Variants in B3GLCT observed in about 807,000 individuals in gnomAD.
B3GLCT encodes beta-1,3-glucosyltransferase.
A neutral mutation model predicts 63.4 loss-of-function variants in B3GLCT; 65 were observed. The observed-to-expected ratio is 1.03, with a 90% confidence interval of 0.84 to 1.26. The LOEUF (loss-of-function observed/expected upper bound fraction) is 1.26. Ranked by LOEUF, B3GLCT falls within the 50% of genes most tolerant of loss-of-function variation. The pLI is 0.00. For missense variants in B3GLCT, 577 were observed against 604.8 expected (o/e 0.95, Z 0.48); for synonymous variants, 233 against 219.2 (o/e 1.06, Z -0.55).
intron 4 of B3GLCT, among the ~76,000 whole-genome samples, chr13:31,244,458 C>T (rs1871101980): frequency 6.6e-6 from 1 of 152,178 alleles, no homozygotes; most frequent in Admixed American, 6.5e-5. Flanking sequence ...CGCCATTGCA[C>T]TACAGCCTGG....
intron 11 of B3GLCT, among the ~76,000 whole-genome samples, 168 bp downstream of exon 11, chr13:31,284,929 T>C (rs1054296671): frequency 6.6e-6 from 1 of 152,220 alleles, no homozygotes; most frequent in African/African-American, 2.4e-5. Flanking sequence ...CTAAGGGCTT[T>C]ATAGTACGAA....
chr13:31,217,645 A>G (rs190545353), intron 2 of B3GLCT, among the ~76,000 whole-genome samples: 109 of 152,288 alleles, frequency 7.2e-4, no homozygotes, highest in African/African-American at 1.9e-3. Context: ...TCCAGTGTCA[A>G]TCTTCTGTAT....
chr13:31,319,668 G>A (rs1451537200), intron 13 of B3GLCT, among the ~76,000 whole-genome samples: 1 of 151,874 alleles, frequency 6.6e-6, no homozygotes, highest in East Asian at 1.9e-4. Context: ...ACCCTGTATT[G>A]TCCCTGGGTG....
At chr13:31,267,851 CT>C (rs745334847) in intron 7 of B3GLCT, among the ~76,000 whole-genome samples, 2,841 of 143,506 alleles carry the variant, frequency 0.02, 28 homozygotes, top group Non-Finnish European at 0.024. Context: ...TTGTTTCTTT[CT>C]TTTTTTTTTT....
chr13:31,256,231 G>GGT (rs1374471279), intron 6 of B3GLCT, among the ~76,000 whole-genome samples: 2 of 152,138 alleles, frequency 1.3e-5, no homozygotes, highest in African/African-American at 4.8e-5. Context: ...ATTACAATGA[G>GGT]GTACCATCTC....
chr13:31,247,094 AC>A lies in B3GLCT; in HGVS notation c.344del (p.Pro115ArgfsTer5). ...EGAWTILPLL[P>X]HFSVTYSRNS... ...GTGCATGGACCATACTTCCGTTGTT[AC>A]CGCAGTACGTTTGTTTAACTCACCT... On this transcript the variant is annotated frameshift_variant, in exon 5 of 15. Coordinates refer to ENST00000343307, the MANE Select transcript of B3GLCT (RefSeq NM_194318.4). LOFTEE classifies it high-confidence loss of function. 1 of 1,612,226 alleles carries A rather than the reference AC, an allele frequency of 6.2e-7. No homozygotes were observed. The highest frequency in any genetic ancestry group is 8.5e-7 in the Non-Finnish European group (1 of 1,178,740).
At chr13:31,285,604 TAAAAA>T (rs11339832) in intron 11 of B3GLCT, among the ~76,000 whole-genome samples, 20,194 of 84,358 alleles carry the variant, frequency 0.24, 1,890 homozygotes, top group South Asian at 0.29. Context: ...CTTTTATGAG[TAAAAA>T]AAAAAAAAAA....
chr13:31,280,309 T>C (rs1443841914), intron 10 of B3GLCT, among the ~76,000 whole-genome samples: 1 of 152,240 alleles, frequency 6.6e-6, no homozygotes, highest in Non-Finnish European at 1.5e-5. Flanking sequence ...TAAATGTCCA[T>C]GAAATCTTTA....
rs368125083 is a variant in B3GLCT at position 31,319,314 on chromosome 13, TC to T, written c.1184+1631del. 9.3e-3 allele frequency among the ~76,000 whole-genome samples: 1,412 copies of T among 152,152 alleles called. 12 individuals are homozygous for T. The highest frequency in any genetic ancestry group is 0.013 in the Non-Finnish European group (852 of 67,990). On this transcript the variant is annotated intron_variant, in intron 13 of 14. Transcript: ENST00000343307. The stretch of plus-strand genomic sequence containing the variant: ...TCTCACCACCACCATGCCTTCTCCT[TC>T]CTACCCTGCGGAACATCTTGAGTTC...
rs115610128 is a variant in B3GLCT at position 31,208,289 on chromosome 13, T to G, written c.71-6762T>G. On this transcript the variant is annotated intron_variant, in intron 1 of 14. Coordinates refer to ENST00000343307, the MANE Select transcript of B3GLCT (RefSeq NM_194318.4). ...CTGCTTCTCCTCCCCATCTGGCCAT[T>G]CCTTTTGTCTCCTTTGCAGTTTTGT... Among the ~76,000 whole-genome samples the G allele has an allele frequency of 2.2e-3, 342 of 152,176 alleles. 1 individual carries two copies. The highest frequency in any genetic ancestry group is 8.0e-3 in the African/African-American group (331 of 41,520).
intron 1 of B3GLCT, among the ~76,000 whole-genome samples, chr13:31,210,370 TTTC>T (rs1206413260): frequency 6.6e-6 from 1 of 152,220 alleles, no homozygotes; most frequent in Admixed American, 6.5e-5. Flanking sequence ...TCAACAATAT[TTTC>T]CCTACTGAAT....
At chr13:31,223,747 A>G (rs1869946851) in intron 3 of B3GLCT, among the ~76,000 whole-genome samples, 1 of 151,924 alleles carries the variant, frequency 6.6e-6, no homozygotes, top group South Asian at 2.1e-4. Context: ...AGGAGGAATG[A>G]CCCAAGTCTG....
intron 9 of B3GLCT, among the ~76,000 whole-genome samples, 174 bp downstream of exon 9, chr13:31,274,802 C>T (rs1466344469): frequency 6.6e-6 from 1 of 152,174 alleles, no homozygotes; most frequent in East Asian, 1.9e-4. Flanking sequence ...TTCTGTCACC[C>T]AAATAGTGAA....
intron 4 of B3GLCT, among the ~76,000 whole-genome samples, chr13:31,240,979 T>C (rs988143059): frequency 1.3e-5 from 2 of 152,250 alleles, no homozygotes; most frequent in African/African-American, 4.8e-5. Context: ...ACTGTCCTTT[T>C]TCACATATAC....
At chr13:31,286,481 T>A (rs1321217032) in intron 11 of B3GLCT, among the ~76,000 whole-genome samples, 1 of 152,218 alleles carries the variant, frequency 6.6e-6, no homozygotes, top group Admixed American at 6.5e-5. Flanking sequence ...CACTCATCTC[T>A]CTAGGTCTCC....
At chr13:31,232,842 T>G (rs1222660279) in intron 4 of B3GLCT, among the ~76,000 whole-genome samples, 3 of 152,258 alleles carry the variant, frequency 2.0e-5, no homozygotes, top group African/African-American at 4.8e-5. Flanking sequence ...GAGCAGAGAA[T>G]AGACTATGTC....
intron 7 of B3GLCT, among the ~76,000 whole-genome samples, chr13:31,266,066 C>G (rs1593284264): frequency 6.6e-6 from 1 of 152,072 alleles, no homozygotes; most frequent in East Asian, 1.9e-4. Flanking sequence ...GTGGCGCAGT[C>G]TCGCTCACTG....
intron 6 of B3GLCT, among the ~76,000 whole-genome samples, chr13:31,257,364 T>C (rs1871794363): frequency 6.6e-6 from 1 of 152,106 alleles, no homozygotes; most frequent in African/African-American, 2.4e-5. Context: ...AGCTTTATTA[T>C]AGATTTTTTT....
intron 7 of B3GLCT, among the ~76,000 whole-genome samples, chr13:31,268,242 A>G (rs1872423705): frequency 1.3e-5 from 2 of 152,184 alleles, no homozygotes; most frequent in African/African-American, 4.8e-5. Flanking sequence ...TAAATAAATA[A>G]AAAACCATAT....
Sources: gnomAD v4.1 joint callset for allele counts (sites outside exome capture counted in the v4.1 genomes callset) on GRCh38, gnomAD v4.1.1 for gene constraint, MANE v1.5 for transcripts, NCBI Gene and HGNC (gene_info 2026-07-23, HGNC 2026-07-21) for gene names.